MORC1: variants seen among roughly 807,000 people sequenced by gnomAD.
MORC1 encodes the protein MORC family CW-type zinc finger protein 1.
In MORC1, 59 loss-of-function variants were observed where a neutral mutation model predicts 134.9. That is an observed-to-expected ratio of 0.44 (90% CI 0.35 to 0.54). The LOEUF is 0.54. Among genes scored for constraint, MORC1 ranks in the 20% least tolerant of loss-of-function variants. The probability of loss-of-function intolerance (pLI) is 0.00; values close to 1 mark genes in which losing one functional copy is unlikely to be tolerated. For missense variants in MORC1, 947 were observed against 1,134.5 expected (o/e 0.83, Z 2.37); for synonymous variants, 395 against 391.7 (o/e 1.01, Z -0.10).
At chr3:108,973,214 C>A (rs1462912725) in intron 24 of MORC1, among the ~76,000 whole-genome samples, 1 of 152,186 alleles carries the variant, frequency 6.6e-6, no homozygotes, top group Non-Finnish European at 1.5e-5. Flanking sequence ...ACCTTCAGTG[C>A]CCCACAGAGC....
At chr3:108,987,091 G>T in intron 21 of MORC1, 142 bp from the exon 22 acceptor site, 1 of 498,522 alleles carries the variant, frequency 2.0e-6, no homozygotes. Flanking sequence ...TTTTTATAAA[G>T]GGAACAAATG....
At chr3:109,104,599 G>C (rs1286285348) in intron 3 of MORC1, among the ~76,000 whole-genome samples, 1 of 152,162 alleles carries the variant, frequency 6.6e-6, no homozygotes, top group Non-Finnish European at 1.5e-5. Context: ...GCTAAGGCAA[G>C]AGGATCACTT....
intron 17 of MORC1, among the ~76,000 whole-genome samples, chr3:109,008,289 G>T (rs1948597099): frequency 6.6e-6 from 1 of 152,008 alleles, no homozygotes; most frequent in Non-Finnish European, 1.5e-5. Context: ...TGACATTTCT[G>T]GGTCAACAGG....
chr3:109,050,935 T>C (rs754464432), intron 14 of MORC1, among the ~76,000 whole-genome samples: 5 of 152,218 alleles, frequency 3.3e-5, no homozygotes, highest in Non-Finnish European at 7.3e-5. Context: ...AGCTCAATTC[T>C]GATCCATTTT....
chr3:109,098,295 A>C (rs1950865073), intron 6 of MORC1, among the ~76,000 whole-genome samples: 1 of 152,198 alleles, frequency 6.6e-6, no homozygotes, highest in African/African-American at 2.4e-5. Flanking sequence ...TTTTTTAAAA[A>C]AGGGAATGGC....
At chr3:109,112,572 G>A (rs1323439838) in intron 2 of MORC1, among the ~76,000 whole-genome samples, 1 of 152,166 alleles carries the variant, frequency 6.6e-6, no homozygotes, top group East Asian at 1.9e-4. Flanking sequence ...GGGGAAAACT[G>A]GAAATGAGGC....
intron 10 of MORC1, 33 bp from the exon 11 acceptor site, chr3:109,062,091 C>A (rs1160746566): frequency 6.3e-7 from 1 of 1,598,104 alleles, no homozygotes; most frequent in Non-Finnish European, 8.6e-7. Context: ...TATAACACAG[C>A]AAAATTATTT....
rs1947007267 is a variant in MORC1 at position 108,958,940 on chromosome 3, T to G, written c.*25A>C. On this transcript the variant is annotated 3_prime_UTR_variant, in exon 28 of 28. Coordinates refer to ENST00000232603, the MANE Select transcript of MORC1 (RefSeq NM_014429.4). ...TCTTCCAATTTTCTTATTAGCATTT[T>G]TTAAAAGGTAATACCATCTCTGACT... 1 of 1,409,394 alleles carries G rather than the reference T, an allele frequency of 7.1e-7. No individual in the cohort carries two copies. Among genetic ancestry groups the G allele is most frequent in the African/African-American group, 1.5e-5 (1 of 66,518 alleles). 87.3% of individuals were successfully genotyped at this position (1,409,394 alleles called of 1,614,324 possible). A position where few individuals can be genotyped will look rare whatever the true frequency, so the allele number is the denominator to read the frequency against.
At chr3:108,960,402 C>A (rs142985460) in intron 27 of MORC1, among the ~76,000 whole-genome samples, 1 of 152,072 alleles carries the variant, frequency 6.6e-6, no homozygotes. Context: ...AGGATTTCTT[C>A]AAAAAACTGT....
intron 17 of MORC1, 39 bp from the exon 18 acceptor site, chr3:109,007,130 A>G: frequency 6.5e-7 from 1 of 1,535,876 alleles, no homozygotes; most frequent in Non-Finnish European, 8.9e-7. Context: ...AATGTAAGTA[A>G]AAATAAGCTT....
intron 8 of MORC1, among the ~76,000 whole-genome samples, chr3:109,084,025 T>C (rs1293705837): frequency 1.3e-5 from 2 of 152,086 alleles, no homozygotes; most frequent in East Asian, 1.9e-4. Flanking sequence ...TAATAAAAAC[T>C]ATGTATGATA....
At chr3:109,041,018 G>C (rs1252858242) in intron 14 of MORC1, among the ~76,000 whole-genome samples, 1 of 151,188 alleles carries the variant, frequency 6.6e-6, no homozygotes, top group Admixed American at 6.6e-5. Context: ...TGAGAAAGCA[G>C]AAGAGAAGAG....
chr3:109,058,737 T>G (rs1235143209), intron 12 of MORC1, among the ~76,000 whole-genome samples: 1 of 152,052 alleles, frequency 6.6e-6, no homozygotes, highest in African/African-American at 2.4e-5. Context: ...ACAAAAGTAC[T>G]GACTGTATAA....
rs115445522 is a variant in MORC1, at chr3:109,057,309, C to G, written c.1175+34G>C. On this transcript the variant is annotated intron_variant, in intron 13 of 27. Transcript: ENST00000232603. ...GAATCTTACTGTAACATCCCTTTCT[C>G]TGCTTATATCTCTGAAAGCAAAAAC... 1.0e-3 allele frequency: 1,602 copies of G among 1,585,874 alleles called. 23 individuals carry two copies. In the African/African-American group the frequency reaches 0.019, roughly 19 times the overall value.
At chr3:109,000,808 T>G in intron 20 of MORC1, 150 bp from the exon 21 acceptor site, 1 of 596,836 alleles carries the variant, frequency 1.7e-6, no homozygotes, top group Admixed American at 3.2e-5. Context: ...TTGTGTATGA[T>G]AAGCGCTTGA....
intron 26 of MORC1, among the ~76,000 whole-genome samples, chr3:108,968,360 C>T (rs960868847): frequency 6.6e-6 from 1 of 152,114 alleles, no homozygotes; most frequent in African/African-American, 2.4e-5. Flanking sequence ...CAAAGGCAAA[C>T]GTATGAACAA....
chr3:108,997,461 T>C (rs1217741067), intron 21 of MORC1, among the ~76,000 whole-genome samples: 1 of 152,070 alleles, frequency 6.6e-6, no homozygotes, highest in African/African-American at 2.4e-5. Context: ...TGAGTGGAGA[T>C]TGTGCCACTG....
At chr3:108,971,703 T>A (rs904369576) in intron 24 of MORC1, among the ~76,000 whole-genome samples, 2 of 152,110 alleles carry the variant, frequency 1.3e-5, no homozygotes, top group Non-Finnish European at 2.9e-5. Context: ...TTCCAGAGTT[T>A]TGCAAGAAGC....
intron 17 of MORC1, among the ~76,000 whole-genome samples, chr3:109,021,239 T>C (rs1948951053): frequency 6.6e-6 from 1 of 152,236 alleles, no homozygotes; most frequent in South Asian, 2.1e-4. Context: ...AACTGGGGAC[T>C]GGTTGTACCT....
Sources: gnomAD v4.1 joint callset for allele counts (sites outside exome capture counted in the v4.1 genomes callset) on GRCh38, gnomAD v4.1.1 for gene constraint, MANE v1.5 for transcripts, NCBI Gene and HGNC (gene_info 2026-07-23, HGNC 2026-07-21) for gene names.